Variants in WHRN observed in about 807,000 individuals in gnomAD.
The protein encoded by WHRN is whirlin.
Under a neutral mutation model 68.3 loss-of-function variants are expected in WHRN, and 41 were observed. That is an observed-to-expected ratio of 0.60 (90% CI 0.47 to 0.78). WHRN has a LOEUF of 0.78. Among genes scored for constraint, WHRN ranks in the 30% least tolerant of loss-of-function variants. WHRN has a pLI of 0.00. For synonymous variants in WHRN, 560 were observed against 561.3 expected, an observed-to-expected ratio of 1.00 and a Z score of 0.03; for missense variants, 1,243 against 1,244.7, an observed-to-expected ratio of 1.00 and a Z score of 0.02.
intron 11 of WHRN, 127 bp downstream of exon 11, chr9:114,403,090 G>T: frequency 6.5e-7 from 1 of 1,544,424 alleles, no homozygotes; most frequent in Non-Finnish European, 8.9e-7. Context: ...GAAGAGCAAA[G>T]GTGACATAAG....
chr9:114,490,117 G>C (rs962825375), intron 1 of WHRN, among the ~76,000 whole-genome samples: 1 of 152,224 alleles, frequency 6.6e-6, no homozygotes, highest in Non-Finnish European at 1.5e-5. Context: ...ATCTGCTCCG[G>C]CTCTGTGCGG....
intron 3 of WHRN, among the ~76,000 whole-genome samples, chr9:114,454,995 T>C (rs1314482183): frequency 1.4e-5 from 1 of 71,234 alleles, no homozygotes; most frequent in African/African-American, 4.9e-5. Context: ...GCTAGAACAA[T>C]TGGCTGTCTA....
At chr9:114,491,181 T>C (rs1003231748) in intron 1 of WHRN, among the ~76,000 whole-genome samples, 3 of 152,204 alleles carry the variant, frequency 2.0e-5, no homozygotes, top group African/African-American at 7.2e-5. Flanking sequence ...ATAGATACGT[T>C]GATGGGATTT....
rs574169442 is a variant in WHRN, at chr9:114,402,623, T to C, written c.*131A>G. ...CCAGTTCTGGTCCAGTGGGCTGGGA[T>C]GGAGGGGGGATGTCTTCCTGCCACC... On this transcript the variant is annotated 3_prime_UTR_variant, in exon 12 of 12. Transcript: ENST00000362057. The C allele has an allele frequency of 1.7e-5, 19 of 1,139,790 alleles. No individual in the cohort carries two copies. Among genetic ancestry groups the C allele is most frequent in the Non-Finnish European group, 2.4e-5 (18 of 763,780 alleles). The allele number at this position is 1,139,790 out of a possible 1,614,324, so 70.6% of individuals were successfully genotyped here. A position where few individuals can be genotyped will look rare whatever the true frequency, so the allele number is the denominator to read the frequency against.
At chr9:114,484,202 G>C (rs1456174422) in intron 1 of WHRN, among the ~76,000 whole-genome samples, 1 of 152,220 alleles carries the variant, frequency 6.6e-6, no homozygotes, top group Non-Finnish European at 1.5e-5. Flanking sequence ...TTGAAGGCCA[G>C]AGGGCTGCCC....
intron 3 of WHRN, among the ~76,000 whole-genome samples, chr9:114,442,431 G>C (rs1471299008): frequency 6.6e-6 from 1 of 152,196 alleles, no homozygotes. Context: ...CAACTCCAAT[G>C]CTTTAGACGG....
chr9:114,489,491 TACACACACACACGCACACACGCGTGCAC>T (rs1564222760), intron 1 of WHRN, among the ~76,000 whole-genome samples: 1 of 149,970 alleles, frequency 6.7e-6, no homozygotes, highest in Non-Finnish European at 1.5e-5. Context: ...CACACACACG[TACACACACACACGCACACACGCGTGCAC>T]ACACACACAC....
At chr9:114,504,146 A>G (rs1844177157) in intron 1 of WHRN, 38 bp downstream of exon 1, 4 of 1,613,274 alleles carry the variant, frequency 2.5e-6, no homozygotes, top group East Asian at 2.2e-5. Context: ...CACTCTGTCC[A>G]TACTCTGCCC....
chr9:114,479,144 T>C (rs1227671796), intron 1 of WHRN, among the ~76,000 whole-genome samples: 1 of 152,202 alleles, frequency 6.6e-6, no homozygotes, highest in Non-Finnish European at 1.5e-5. Context: ...ATGCGGCTCA[T>C]GTGCTTAGAC....
intron 7 of WHRN, among the ~76,000 whole-genome samples, chr9:114,415,168 A>G (rs935235646): frequency 6.6e-6 from 1 of 152,012 alleles, no homozygotes; most frequent in Admixed American, 6.6e-5. Flanking sequence ...GCATGGGAGC[A>G]TGTGCGCCTG....
In WHRN at chr9:114,426,204, G is replaced by A. The variant is rs1043061213; in HGVS notation, c.1166+7C>T. The A allele has an allele frequency of 2.3e-5, 37 of 1,611,874 alleles. No individual in the cohort carries two copies. The highest frequency in any genetic ancestry group is 3.0e-5 in the Non-Finnish European group (35 of 1,180,006). The stretch of plus-strand genomic sequence containing the variant: ...TCTGGAGATTGGAGCGAGCAGAGTG[G>A]CCAGACCCTGCCGAGTTCGCCATGG... On this transcript the variant is annotated splice_region_variant and intron_variant, in intron 4 of 11. Coordinates refer to ENST00000362057, the MANE Select transcript of WHRN (RefSeq NM_015404.4).
chr9:114,426,473 C>T (rs1836871578), intron 3 of WHRN, 60 bp from the exon 4 acceptor site: 3 of 1,589,558 alleles, frequency 1.9e-6, no homozygotes. Flanking sequence ...ACACTAGGGA[C>T]TTCACAGCCC....
In WHRN at chr9:114,406,491, C is replaced by G. The variant is rs1220942085; in HGVS notation, c.2100G>C (p.Gly700=). The change falls in exon 9 of 12, where the codon GGG becomes GGC. Residue 700 remains glycine, a synonymous_variant. Transcript: ENST00000362057. ...AGGGTGATGGGGGCAGAAGGCAGCC[C>G]CCAGCCACTGTGGCCTCTGCAGAGG... ...KSPSAEATVA[G]GCLLPPSPSG... 11 of 1,614,060 alleles carry G rather than the reference C, an allele frequency of 6.8e-6. No individual in the cohort carries two copies. The highest frequency in any genetic ancestry group is 9.3e-6 in the Non-Finnish European group (11 of 1,180,056).
At chr9:114,439,739 C>A (rs575974069) in intron 3 of WHRN, among the ~76,000 whole-genome samples, 105 of 152,170 alleles carry the variant, frequency 6.9e-4, no homozygotes, top group African/African-American at 2.4e-3. Flanking sequence ...CACTTATATG[C>A]AGATTCTTAA....
chr9:114,404,111 A>C (rs776738660), intron 9 of WHRN, 34 bp from the exon 10 acceptor site: 1 of 1,604,404 alleles, frequency 6.2e-7, no homozygotes, highest in South Asian at 1.1e-5. Flanking sequence ...GAAGCAGCTT[A>C]TATAGCTGGG....
intron 7 of WHRN, among the ~76,000 whole-genome samples, chr9:114,412,031 G>A (rs1287546735): frequency 6.6e-6 from 1 of 152,208 alleles, no homozygotes; most frequent in African/African-American, 2.4e-5. Context: ...CATGGCAGGT[G>A]GAGGTGGAGG....
chr9:114,432,628 G>A (rs945023136), intron 3 of WHRN, among the ~76,000 whole-genome samples: 1 of 152,092 alleles, frequency 6.6e-6, no homozygotes, highest in African/African-American at 2.4e-5. Context: ...TACCTCCTCT[G>A]GAAAATAGAG....
At chr9:114,450,626 G>T (rs980357862) in intron 3 of WHRN, among the ~76,000 whole-genome samples, 4 of 152,132 alleles carry the variant, frequency 2.6e-5, no homozygotes, top group Admixed American at 1.3e-4. Flanking sequence ...TCAAGTGCTT[G>T]CTAGAGATTC....
chr9:114,470,381 C>T (rs1589213586), intron 2 of WHRN, among the ~76,000 whole-genome samples: 1 of 152,096 alleles, frequency 6.6e-6, no homozygotes, highest in African/African-American at 2.4e-5. Flanking sequence ...AGTCACCACA[C>T]GGGTCCTGTA....
Sources: allele counts gnomAD v4.1 joint callset (sites outside exome capture counted in the v4.1 genomes callset), GRCh38; gene constraint gnomAD v4.1.1; transcripts MANE v1.5; gene names NCBI Gene and HGNC (gene_info 2026-07-23, HGNC 2026-07-21).